Variants in CDH18 observed in about 807,000 individuals in gnomAD.
The protein encoded by CDH18 is cadherin-18.
Under a neutral mutation model 67.9 loss-of-function variants are expected in CDH18, and 31 were observed. The observed-to-expected ratio is 0.46, with a 90% CI of 0.34 to 0.62. CDH18 has a LOEUF of 0.62. Ranked by LOEUF, CDH18 falls within the 20% of genes least tolerant of loss-of-function variation. The pLI, the probability that CDH18 is intolerant of heterozygous loss-of-function variation, is 0.01. For missense variants in CDH18, 890 were observed against 975.5 expected (o/e 0.91, Z 1.17); for synonymous variants, 362 against 347.2 (o/e 1.04, Z -0.48).
chr5:20,087,783 G>A (rs1221096700), intron 2 of CDH18, among the ~76,000 whole-genome samples: 1 of 152,082 alleles, frequency 6.6e-6, no homozygotes, highest in African/African-American at 2.4e-5. Flanking sequence ...AATAATTTTT[G>A]TGGCTTGCTT....
Position 19,660,002 on chromosome 5 carries a change from A to G in CDH18, c.644-47401T>C, listed in dbSNP as rs181039532. Among the ~76,000 whole-genome samples, 7 of 152,242 alleles carry G rather than the reference A, an allele frequency of 4.6e-5. No homozygotes were observed. The East Asian group carries it at 9.7e-4, about 21-fold the overall frequency. ...AAGAATTTGAGAATCTTATAACAAA[A>G]TCACAAGCTAAAATGTTTCAATTTT... On this transcript the variant is annotated intron_variant, in intron 5 of 12. Transcript: ENST00000382275.
chr5:20,539,754 ACAAACACACACACAC>A (rs1756948393), intron 1 of CDH18, among the ~76,000 whole-genome samples: 2 of 132,204 alleles, frequency 1.5e-5, no homozygotes, highest in African/African-American at 5.2e-5. Flanking sequence ...ACACACACAC[ACAAACACACACACAC>A]ACACACACAC....
At chr5:19,834,069 T>C (rs1340678540) in intron 3 of CDH18, among the ~76,000 whole-genome samples, 1 of 152,054 alleles carries the variant, frequency 6.6e-6, no homozygotes, top group African/African-American at 2.4e-5. Flanking sequence ...TTTTCAATTG[T>C]TTGGAATAGT....
chr5:20,368,339 C>A (rs1742688951), intron 1 of CDH18, among the ~76,000 whole-genome samples: 1 of 152,092 alleles, frequency 6.6e-6, no homozygotes, highest in Admixed American at 6.5e-5. Flanking sequence ...TCTAAAGAAT[C>A]ACTATTTGTG....
chr5:20,182,275 T>C (rs889760640), intron 2 of CDH18, among the ~76,000 whole-genome samples: 1 of 151,798 alleles, frequency 6.6e-6, no homozygotes, highest in South Asian at 2.1e-4. Flanking sequence ...TTTCCTCAGG[T>C]TGAGGGTTTG....
intron 2 of CDH18, among the ~76,000 whole-genome samples, chr5:20,049,867 A>T (rs1339148727): frequency 6.6e-6 from 1 of 151,632 alleles, no homozygotes; most frequent in African/African-American, 2.4e-5. Context: ...ACATGCTAAA[A>T]TTACAAGATG....
intron 3 of CDH18, among the ~76,000 whole-genome samples, chr5:19,788,590 A>G (rs1163165838): frequency 6.6e-6 from 1 of 152,162 alleles, no homozygotes; most frequent in East Asian, 1.9e-4. Context: ...CATATGTCCT[A>G]TTGGCTTTCA....
chr5:19,504,062 A>G (rs1743693623), intron 10 of CDH18, among the ~76,000 whole-genome samples: 1 of 152,100 alleles, frequency 6.6e-6, no homozygotes. Flanking sequence ...CAAAGAAGGT[A>G]ATTCACCAAA....
intron 2 of CDH18, among the ~76,000 whole-genome samples, chr5:19,901,191 A>C (rs932903693): frequency 2.0e-5 from 3 of 152,114 alleles, no homozygotes; most frequent in Non-Finnish European, 4.4e-5. Flanking sequence ...TTTAAATATA[A>C]ATCAATGTAT....
At chr5:20,516,208 T>C (rs868119366) in intron 1 of CDH18, among the ~76,000 whole-genome samples, 17 of 152,000 alleles carry the variant, frequency 1.1e-4, no homozygotes, top group African/African-American at 4.1e-4. Flanking sequence ...AAGTAAAAAA[T>C]AGAATTTGCT....
intron 6 of CDH18, among the ~76,000 whole-genome samples, chr5:19,607,364 A>G (rs1748218720): frequency 6.6e-6 from 1 of 151,440 alleles, no homozygotes. Flanking sequence ...AATAGAAAAA[A>G]CAACAACAAA....
At chr5:19,589,422 T>C (rs1257642431) in intron 7 of CDH18, among the ~76,000 whole-genome samples, 11 of 152,094 alleles carry the variant, frequency 7.2e-5, no homozygotes. Context: ...AAAAAATTAA[T>C]CCAGTTTACC....
chr5:19,826,271 G>A (rs1246052146), intron 3 of CDH18, among the ~76,000 whole-genome samples: 1 of 152,108 alleles, frequency 6.6e-6, no homozygotes, highest in African/African-American at 2.4e-5. Flanking sequence ...CGCTGAAAGA[G>A]AGGAAGAGAA....
chr5:19,717,506 A>C (rs1211983226), intron 5 of CDH18, among the ~76,000 whole-genome samples: 1 of 152,044 alleles, frequency 6.6e-6, no homozygotes, highest in Non-Finnish European at 1.5e-5. Flanking sequence ...TCTTTTGTGT[A>C]GGAATTTGAT....
rs536718909 is a variant in CDH18 at position 20,137,869 on chromosome 5, G to A, written c.-518+117575C>T. Among the ~76,000 whole-genome samples, 8 of 152,088 alleles carry A rather than the reference G, an allele frequency of 5.3e-5. No individual in the cohort carries two copies. The South Asian group carries it at 6.2e-4, about 12-fold the overall frequency. On this transcript the variant is annotated intron_variant, in intron 2 of 14. Transcript: ENST00000507958. ...TCCAGGATCATATGGATTCACAGCCGAATTCCATCAGAGGTACAAAGAGGA... is the reference window on the plus strand; with the variant it reads ...TCCAGGATCATATGGATTCACAGCCAAATTCCATCAGAGGTACAAAGAGGA...
At chr5:20,113,273 A>G (rs563187538) in intron 2 of CDH18, among the ~76,000 whole-genome samples, 1 of 152,362 alleles carries the variant, frequency 6.6e-6, no homozygotes, top group Non-Finnish European at 1.5e-5. Context: ...TTATTGAAAA[A>G]GGAATTATAT....
intron 5 of CDH18, among the ~76,000 whole-genome samples, chr5:19,692,440 G>T (rs1440443407): frequency 3.3e-5 from 5 of 152,026 alleles, no homozygotes; most frequent in Non-Finnish European, 7.4e-5. Context: ...ACAGAATAAA[G>T]AGACAACCTG....
chr5:20,092,252 T>C (rs1745502156), intron 2 of CDH18, among the ~76,000 whole-genome samples: 2 of 152,200 alleles, frequency 1.3e-5, no homozygotes, highest in Admixed American at 1.3e-4. Flanking sequence ...ATAAGCTTTT[T>C]ACTACAGTGG....
At chr5:19,614,030 TAAG>T (rs1308475674) in intron 5 of CDH18, among the ~76,000 whole-genome samples, 1 of 152,104 alleles carries the variant, frequency 6.6e-6, no homozygotes, top group Non-Finnish European at 1.5e-5. Context: ...GTACAATTCT[TAAG>T]AAGTTGTCAA....
Sources: allele counts gnomAD v4.1 joint callset (sites outside exome capture counted in the v4.1 genomes callset), GRCh38; gene constraint gnomAD v4.1.1; transcripts MANE v1.5; gene names NCBI Gene and HGNC (gene_info 2026-07-23, HGNC 2026-07-21).